NELL1: variants seen among roughly 807,000 people sequenced by gnomAD.
NELL1 encodes protein kinase C-binding protein NELL1.
A neutral mutation model predicts 107.4 loss-of-function variants in NELL1; 76 were observed. The ratio of observed to expected loss-of-function variants is 0.71; its 90% CI spans 0.59 to 0.86. The LOEUF (loss-of-function observed/expected upper bound fraction) is 0.86. Ranked by LOEUF, NELL1 falls within the 40% of genes least tolerant of loss-of-function variation. NELL1 has a pLI of 0.00. For synonymous variants in NELL1, 353 were observed against 341.2 expected, an observed-to-expected ratio of 1.03 and a Z score of -0.38; for missense variants, 1,024 against 1,005.5, an observed-to-expected ratio of 1.02 and a Z score of -0.25.
At chr11:20,983,659 C>T (rs1292330652) in intron 12 of NELL1, among the ~76,000 whole-genome samples, 13 of 152,176 alleles carry the variant, frequency 8.5e-5, no homozygotes, top group Non-Finnish European at 1.5e-4. Flanking sequence ...AACTCCCCTC[C>T]ACATGTTTTG....
At chr11:21,459,882 A>G (rs1853854800) in intron 15 of NELL1, among the ~76,000 whole-genome samples, 1 of 152,128 alleles carries the variant, frequency 6.6e-6, no homozygotes, top group Non-Finnish European at 1.5e-5. Flanking sequence ...CAAAGGGCAC[A>G]GGGATAATGG....
intron 14 of NELL1, among the ~76,000 whole-genome samples, chr11:21,280,931 G>A (rs1253611036): frequency 6.6e-6 from 1 of 152,050 alleles, no homozygotes; most frequent in Non-Finnish European, 1.5e-5. Flanking sequence ...TGGACTCAGA[G>A]CCAGTGGACC....
chr11:21,085,132 T>C (rs1854359733), intron 12 of NELL1, among the ~76,000 whole-genome samples: 1 of 152,192 alleles, frequency 6.6e-6, no homozygotes, highest in Non-Finnish European at 1.5e-5. Context: ...TAGCTATTCA[T>C]CTAAATATTT....
At chr11:21,570,974 T>C (rs1260886442) in intron 18 of NELL1, 34 bp downstream of exon 18, 2 of 1,590,210 alleles carry the variant, frequency 1.3e-6, no homozygotes, top group Non-Finnish European at 1.7e-6. Context: ...TGTTGAGCCT[T>C]TACTCTGAAA....
chr11:21,044,305 A>G (rs1194732974), intron 12 of NELL1, among the ~76,000 whole-genome samples: 1 of 152,186 alleles, frequency 6.6e-6, no homozygotes, highest in Non-Finnish European at 1.5e-5. Context: ...TTTACTTATC[A>G]GGAGGTCTGT....
rs1187065943 is a variant in NELL1, at chr11:21,406,845, TC to T, written c.1645+35898del. On this transcript the variant is annotated intron_variant, in intron 15 of 19. Transcript: ENST00000357134. ...TTGTGTGGAGAATATTTCAAAATCTTCTAGTTATTTTGAAATATACAGTAAA... is the reference window on the plus strand; with the variant it reads ...TTGTGTGGAGAATATTTCAAAATCTTTAGTTATTTTGAAATATACAGTAAA... Among the ~76,000 whole-genome samples the T allele has an allele frequency of 3.3e-5, 5 of 152,130 alleles. No homozygotes were observed. The East Asian group carries it at 9.7e-4, about 30-fold the overall frequency.
intron 13 of NELL1, among the ~76,000 whole-genome samples, chr11:21,220,709 G>GT (rs1443118196): frequency 2.0e-5 from 3 of 151,952 alleles, no homozygotes; most frequent in African/African-American, 7.2e-5. Flanking sequence ...ATTTTTATGT[G>GT]TTAATTTTGT....
At chr11:20,712,297 GA>G (rs1855133356) in intron 2 of NELL1, among the ~76,000 whole-genome samples, 1 of 148,082 alleles carries the variant, frequency 6.8e-6, no homozygotes, top group Non-Finnish European at 1.5e-5. Context: ...TTCATTTCCA[GA>G]AATTATAATT....
chr11:20,862,324 T>A (rs186480342), intron 4 of NELL1, among the ~76,000 whole-genome samples: 54 of 152,190 alleles, frequency 3.5e-4, no homozygotes, highest in African/African-American at 1.3e-3. Flanking sequence ...TGTTTTGGCA[T>A]AGCAAAATTG....
At chr11:20,975,933 A>G (rs937586090) in intron 12 of NELL1, among the ~76,000 whole-genome samples, 3 of 134,202 alleles carry the variant, frequency 2.2e-5, no homozygotes, top group African/African-American at 8.8e-5. Context: ...ATATATGTAC[A>G]TATATGTGTA....
chr11:21,230,658 G>A (rs547519088), intron 14 of NELL1, among the ~76,000 whole-genome samples: 1 of 152,264 alleles, frequency 6.6e-6, no homozygotes, highest in African/African-American at 2.4e-5. Flanking sequence ...ATGAAATGCT[G>A]GTAATGAGTG....
chr11:20,813,791 G>C (rs1263870751), intron 3 of NELL1, among the ~76,000 whole-genome samples: 2 of 152,104 alleles, frequency 1.3e-5, no homozygotes, highest in African/African-American at 4.8e-5. Context: ...AGTGGTATCA[G>C]CTTTCAGGGT....
intron 5 of NELL1, among the ~76,000 whole-genome samples, chr11:20,910,305 A>G (rs542337871): frequency 6.6e-6 from 1 of 152,278 alleles, no homozygotes; most frequent in African/African-American, 2.4e-5. Flanking sequence ...ACAGTGCTTT[A>G]CTGATCAAAG....
At chr11:20,810,462 C>T (rs1316531793) in intron 3 of NELL1, among the ~76,000 whole-genome samples, 3 of 152,264 alleles carry the variant, frequency 2.0e-5, no homozygotes, top group Middle Eastern at 3.4e-3. Context: ...TCAGTGAGAA[C>T]GTATGATGTT....
chr11:20,998,037 G>A (rs12801681), intron 12 of NELL1, among the ~76,000 whole-genome samples: 7,209 of 152,154 alleles, frequency 0.047, 201 homozygotes, highest in Middle Eastern at 0.12. Flanking sequence ...CTATGGACAA[G>A]CCCACAAGCA....
At chr11:21,483,205 G>A (rs1854536072) in intron 15 of NELL1, among the ~76,000 whole-genome samples, 1 of 152,056 alleles carries the variant, frequency 6.6e-6, no homozygotes. Flanking sequence ...TTAAGTGTCT[G>A]AAAATAAGAT....
intron 2 of NELL1, among the ~76,000 whole-genome samples, chr11:20,698,167 T>A (rs1854673595): frequency 6.6e-6 from 1 of 152,202 alleles, no homozygotes; most frequent in African/African-American, 2.4e-5. Context: ...CAAATAGAAG[T>A]GTTTTTGCTC....
rs192975935 is a variant in NELL1 at position 20,987,189 on chromosome 11, G to A, written c.1300+26629G>A. Among the ~76,000 whole-genome samples the A allele has an allele frequency of 4.9e-4, 74 of 152,242 alleles. 1 individual carries two copies. The highest frequency in any genetic ancestry group is 1.7e-3 in the African/African-American group (71 of 41,542). ...ACTTGGGTAGATTTTACTCTACACT[G>A]ATCCTATTTTATTTCTTATTCCCCC... On this transcript the variant is annotated intron_variant, in intron 12 of 19. Transcript: ENST00000357134.
rs78772013 is a variant in NELL1, at chr11:21,546,405, C to T, written c.1786+11891C>T. On this transcript the variant is annotated intron_variant, in intron 16 of 19. Transcript: ENST00000357134. ...CATGTCTAAACAGCAATTCAGAGATCATCATTGATATGGTTTGGCCATGTC... is the reference window on the plus strand; with the variant it reads ...CATGTCTAAACAGCAATTCAGAGATTATCATTGATATGGTTTGGCCATGTC... 3.9e-3 allele frequency among the ~76,000 whole-genome samples: 586 copies of T among 152,028 alleles called. 1 individual carries two copies. Among genetic ancestry groups the T allele is most frequent in the Non-Finnish European group, 6.6e-3 (451 of 67,930 alleles).
Sources: gnomAD v4.1 joint callset for allele counts (sites outside exome capture counted in the v4.1 genomes callset) on GRCh38, gnomAD v4.1.1 for gene constraint, MANE v1.5 for transcripts, NCBI Gene and HGNC (gene_info 2026-07-23, HGNC 2026-07-21) for gene names.